Variants in SLC24A2 observed in about 807,000 individuals in gnomAD.
SLC24A2 encodes the protein solute carrier family 24 member 2.
SLC24A2 carries 36 observed loss-of-function variants against 62.0 expected under a neutral mutation model. The ratio of observed to expected loss-of-function variants is 0.58; its 90% CI spans 0.44 to 0.77. The LOEUF is 0.77. SLC24A2 is among the 30% of genes least tolerant of loss of function. The probability of loss-of-function intolerance (pLI) is 0.00; values close to 1 mark genes in which losing one functional copy is unlikely to be tolerated. For missense variants in SLC24A2, 846 were observed against 817.9 expected (o/e 1.03, Z -0.42); for synonymous variants, 358 against 294.0 (o/e 1.22, Z -2.23).
Position 19,698,470 on chromosome 9 carries a change from T to C in SLC24A2, c.931-76171A>G, listed in dbSNP as rs1441131927. 2.0e-5 allele frequency among the ~76,000 whole-genome samples: 3 copies of C among 152,150 alleles called. No homozygotes were observed. In the East Asian group the frequency reaches 5.8e-4, roughly 29 times the overall value. ...TCCAAGCATTTTGGATAAGGGACCG[T>C]CAATCTGTATAGCTGTGTCTACAAA... On this transcript the variant is annotated intron_variant, in intron 2 of 10. Coordinates refer to ENST00000341998, the MANE Select transcript of SLC24A2 (RefSeq NM_020344.4).
the SLC24A2 span, among the ~76,000 whole-genome samples, chr9:20,247,731 A>G: frequency 6.6e-6 from 1 of 152,188 alleles, no homozygotes; most frequent in Admixed American, 6.5e-5. Flanking sequence ...TTCACAATCA[A>G]CTGTTTTCCA....
At chr9:20,006,270 T>C in the SLC24A2 span, among the ~76,000 whole-genome samples, 3 of 151,904 alleles carry the variant, frequency 2.0e-5, no homozygotes, top group Non-Finnish European at 4.4e-5. Flanking sequence ...TAAATACTAA[T>C]TTAATATGCA....
chr9:20,304,702 G>A, the SLC24A2 span, among the ~76,000 whole-genome samples: 1 of 152,116 alleles, frequency 6.6e-6, no homozygotes, highest in African/African-American at 2.4e-5. Flanking sequence ...TGGGTCTCCA[G>A]GAACACAATC....
the SLC24A2 span, among the ~76,000 whole-genome samples, chr9:20,196,220 A>G: frequency 6.6e-6 from 1 of 152,308 alleles, no homozygotes; most frequent in African/African-American, 2.4e-5. Context: ...TCTGAAATCC[A>G]TCTTTTTACA....
intron 2 of SLC24A2, among the ~76,000 whole-genome samples, chr9:19,657,231 A>G (rs1214519344): frequency 6.6e-6 from 1 of 151,974 alleles, no homozygotes; most frequent in Non-Finnish European, 1.5e-5. Flanking sequence ...TTAGGTGGAA[A>G]CTCAACCTGG....
At chr9:19,537,317 A>G (rs1192567756) in intron 8 of SLC24A2, among the ~76,000 whole-genome samples, 1 of 127,818 alleles carries the variant, frequency 7.8e-6, no homozygotes, top group African/African-American at 3.1e-5. Flanking sequence ...GTTTTCTTCT[A>G]GGGTTTTTAT....
At chr9:20,023,589 A>C in the SLC24A2 span, among the ~76,000 whole-genome samples, 1 of 152,152 alleles carries the variant, frequency 6.6e-6, no homozygotes, top group Non-Finnish European at 1.5e-5. Flanking sequence ...CAATCCCAAG[A>C]TATGTCAAAG....
chr9:20,269,919 C>T, the SLC24A2 span, among the ~76,000 whole-genome samples: 98,284 of 152,010 alleles, frequency 0.65, 33,778 homozygotes, highest in East Asian at 0.96. Flanking sequence ...AGAAAAGAGG[C>T]TTATTTAGCT....
the SLC24A2 span, among the ~76,000 whole-genome samples, chr9:19,881,644 A>G: frequency 1.3e-5 from 2 of 152,138 alleles, no homozygotes; most frequent in African/African-American, 4.8e-5. Context: ...AGGGGTACAC[A>G]CTTATTTAGT....
At position 19,775,517 on chromosome 9, in the gene SLC24A2, T is replaced by C. The variant is rs181227615; in HGVS notation, c.930+10420A>G. On this transcript the variant is annotated intron_variant, in intron 2 of 10. Coordinates refer to ENST00000341998, the MANE Select transcript of SLC24A2 (RefSeq NM_020344.4). ...TCAGAGTTAGCCAAATGGACATAGA[T>C]GGTGTGTGTGCTTGGAGAGGAAGCA... Among the ~76,000 whole-genome samples the C allele has an allele frequency of 2.3e-4, 35 of 152,302 alleles. 1 individual carries two copies. The highest frequency in any genetic ancestry group is 7.9e-4 in the African/African-American group (33 of 41,574).
chr9:20,072,208 A>G, the SLC24A2 span, among the ~76,000 whole-genome samples: 3 of 152,270 alleles, frequency 2.0e-5, no homozygotes, highest in East Asian at 5.8e-4. Context: ...CAAGAAGTGT[A>G]TGATGTAAAC....
At chr9:19,963,145 T>A in the SLC24A2 span, among the ~76,000 whole-genome samples, 29 of 146,702 alleles carry the variant, frequency 2.0e-4, no homozygotes, top group East Asian at 5.2e-3. Flanking sequence ...TAAATGGTGC[T>A]GGGAAAACTG....
chr9:19,852,931 A>G, the SLC24A2 span, among the ~76,000 whole-genome samples: 3 of 152,100 alleles, frequency 2.0e-5, no homozygotes, highest in Admixed American at 6.5e-5. Flanking sequence ...CATGATCTTG[A>G]TTCTTCCTAT....
chr9:19,769,894 G>A (rs1034123855), intron 2 of SLC24A2, among the ~76,000 whole-genome samples: 3 of 152,080 alleles, frequency 2.0e-5, no homozygotes, highest in African/African-American at 7.2e-5. Context: ...TATTTGGTCT[G>A]CTCAGTGCAG....
At chr9:20,029,204 C>T in the SLC24A2 span, among the ~76,000 whole-genome samples, 1 of 152,212 alleles carries the variant, frequency 6.6e-6, no homozygotes. Context: ...CAGCTGAGCA[C>T]TGTGGTTATG....
intron 2 of SLC24A2, among the ~76,000 whole-genome samples, chr9:19,685,436 G>A (rs1313783360): frequency 1.3e-5 from 2 of 151,968 alleles, no homozygotes; most frequent in Admixed American, 6.6e-5. Context: ...GAACCAAAAA[G>A]GAGCTCAAAT....
the SLC24A2 span, among the ~76,000 whole-genome samples, chr9:20,183,505 T>C: frequency 1.3e-5 from 2 of 152,212 alleles, no homozygotes; most frequent in Non-Finnish European, 2.9e-5. Flanking sequence ...CTGCTTAACT[T>C]TGAATAACAA....
chr9:20,157,893 C>T, the SLC24A2 span, among the ~76,000 whole-genome samples: 71 of 151,512 alleles, frequency 4.7e-4, no homozygotes, highest in African/African-American at 1.7e-3. Context: ...AAATCCTGTC[C>T]ACAAAATATC....
At chr9:19,708,914 A>G (rs553983912) in intron 2 of SLC24A2, among the ~76,000 whole-genome samples, 1 of 152,298 alleles carries the variant, frequency 6.6e-6, no homozygotes, top group African/African-American at 2.4e-5. Context: ...ATGGGATCTA[A>G]TTAAACTAAA....
Sources: gnomAD v4.1 joint callset for allele counts (sites outside exome capture counted in the v4.1 genomes callset) on GRCh38, gnomAD v4.1.1 for gene constraint, MANE v1.5 for transcripts, NCBI Gene and HGNC (gene_info 2026-07-23, HGNC 2026-07-21) for gene names.